The following FNDC3A variants were observed in gnomAD, a reference collection of about 807,000 sequenced individuals.
The protein encoded by FNDC3A is fibronectin type-III domain-containing protein 3A.
Under a neutral mutation model 148.9 loss-of-function variants are expected in FNDC3A, and 32 were observed. The observed-to-expected ratio is 0.21, with a 90% CI of 0.16 to 0.29. The LOEUF (loss-of-function observed/expected upper bound fraction) is 0.29, where lower values mean the gene tolerates loss of function less well. FNDC3A is among the 10% of genes least tolerant of loss of function. The pLI is 1.00. For missense variants in FNDC3A, 1,191 were observed against 1,452.8 expected (o/e 0.82, Z 2.93); for synonymous variants, 472 against 473.6 (o/e 1.00, Z 0.04).
intron 2 of FNDC3A, among the ~76,000 whole-genome samples, chr13:49,073,041 A>C (rs1402487463): frequency 3.9e-5 from 6 of 152,218 alleles, no homozygotes; most frequent in Non-Finnish European, 5.9e-5. Context: ...ATATCCATAC[A>C]AACTAGCTAC....
chr13:48,983,518 A>G (rs552494581), intron 1 of FNDC3A, among the ~76,000 whole-genome samples: 22 of 152,298 alleles, frequency 1.4e-4, no homozygotes, highest in Admixed American at 3.9e-4. Flanking sequence ...ATTATAAACA[A>G]TGGGCATGAC....
chr13:49,151,148 G>A (rs190730748), intron 8 of FNDC3A, among the ~76,000 whole-genome samples: 8 of 152,168 alleles, frequency 5.3e-5, no homozygotes, highest in Admixed American at 3.3e-4. Context: ...TTAATTTTCT[G>A]TCTAGATGAT....
At chr13:49,110,870 A>G (rs1880521070) in intron 3 of FNDC3A, among the ~76,000 whole-genome samples, 1 of 152,242 alleles carries the variant, frequency 6.6e-6, no homozygotes, top group African/African-American at 2.4e-5. Flanking sequence ...TAAGTCAGTG[A>G]TGGCACTTTT....
At chr13:49,188,879 T>C (rs1381589073) in intron 17 of FNDC3A, among the ~76,000 whole-genome samples, 1 of 152,164 alleles carries the variant, frequency 6.6e-6, no homozygotes, top group Non-Finnish European at 1.5e-5. Flanking sequence ...CATGAAAACA[T>C]TGGAGAAAAT....
intron 3 of FNDC3A, among the ~76,000 whole-genome samples, chr13:49,103,447 G>T (rs1014490391): frequency 6.6e-6 from 1 of 152,216 alleles, no homozygotes; most frequent in Non-Finnish European, 1.5e-5. Context: ...CTACAGTAAA[G>T]AATTTGGACT....
Position 49,198,420 on chromosome 13 carries a change from T to C in FNDC3A, c.2833T>C (p.Leu945=), listed in dbSNP as rs1386855423. The C allele has an allele frequency of 6.2e-7, 1 of 1,614,180 alleles. No homozygotes were observed. The highest frequency in any genetic ancestry group is 8.5e-7 in the Non-Finnish European group (1 of 1,180,028). Residue 945 remains leucine, a synonymous_variant, in exon 23 of 26, where the codon TTA becomes CTA. Transcript: ENST00000492622. Reference sequence around the variant, plus strand: ...TGGTCCTTTCAGCCATATGATAAAATTAAAAACTAAGCCTCTCCCTCCTGA... The same window carrying C: ...TGGTCCTTTCAGCCATATGATAAAACTAAAAACTAAGCCTCTCCCTCCTGA... ...GAGPFSHMIK[L]KTKPLPPDPP...
rs751722749 is a variant in FNDC3A at position 49,191,375 on chromosome 13, C to G, written c.2217C>G (p.Asn739Lys). The G allele has an allele frequency of 1.3e-6, 2 of 1,590,502 alleles. No individual in the cohort carries two copies. The highest frequency in any genetic ancestry group is 1.7e-6 in the Non-Finnish European group (2 of 1,172,390). ...KTYSFRLRAA[N>K]KMGFGPFSEK... ...ACAGCTTCAGACTACGTGCAGCTAA[C>G]AAAATGGGGGTAAGAAGACTGTGCT... Residue 739 changes from asparagine (N) to lysine (K), a missense_variant, in exon 19 of 26, where the codon AAC (asparagine) becomes AAG (lysine). This residue lies in a region of FNDC3A where 751 missense variants were observed against 944.0 expected (regional missense o/e 0.80). Transcript: ENST00000492622.
rs1886782965 is a variant in FNDC3A at position 49,209,123 on chromosome 13, G to A, written c.*1728G>A. Reference sequence around the variant, plus strand: ...GATAACCTTCCCCAGAAACAACAGTGATTGCGATTGTTTTCTAGAAACTTC... The same window carrying A: ...GATAACCTTCCCCAGAAACAACAGTAATTGCGATTGTTTTCTAGAAACTTC... On this transcript the variant is annotated 3_prime_UTR_variant, in exon 26 of 26. Coordinates refer to ENST00000492622, the MANE Select transcript of FNDC3A (RefSeq NM_001079673.2). The A allele has an allele frequency of 6.6e-6, 1 of 152,550 alleles. No individual in the cohort carries two copies. Among genetic ancestry groups the A allele is most frequent in the Non-Finnish European group, 1.5e-5 (1 of 68,028 alleles). 9.4% of individuals were successfully genotyped at this position (152,550 alleles called of 1,614,324 possible). A position where few individuals can be genotyped will look rare whatever the true frequency, so the allele number is the denominator to read the frequency against.
chr13:49,198,444 G>A lies in FNDC3A; in HGVS notation c.2857G>A (p.Asp953Asn). Residue 953 changes from aspartate to asparagine, a missense_variant, in exon 23 of 26, where the codon GAT becomes AAT. By Grantham distance (23) the Asp-to-Asn change is conservative. Transcript: ENST00000492622. ...IKLKTKPLPP[D>N]PPRLECVAFS... ...ATTAAAAACTAAGCCTCTCCCTCCT[G>A]ATCCACCTCGTCTGGAATGTGTTGC... 6.2e-7 allele frequency: 1 copy of A among 1,614,116 alleles called. No individual in the cohort carries two copies. Among genetic ancestry groups the A allele is most frequent in the Non-Finnish European group, 8.5e-7 (1 of 1,180,010 alleles).
chr13:49,109,774 T>C (rs1423039154), intron 3 of FNDC3A, among the ~76,000 whole-genome samples: 2 of 152,228 alleles, frequency 1.3e-5, no homozygotes, highest in African/African-American at 4.8e-5. Context: ...TGGTAGTCTT[T>C]ATTCTCTTAA....
chr13:49,145,831 C>A lies in FNDC3A; in HGVS notation c.873C>A (p.Ser291Arg). 1 of 1,613,568 alleles carries A rather than the reference C, an allele frequency of 6.2e-7. No homozygotes were observed. Among genetic ancestry groups the A allele is most frequent in the Non-Finnish European group, 8.5e-7 (1 of 1,179,534 alleles). Residue 291 changes from serine (S) to arginine (R), a missense_variant, in exon 8 of 26, where the codon AGC becomes AGA. Physicochemically the swap from Ser to Arg is moderately radical, Grantham distance 110. Coordinates refer to ENST00000492622, the MANE Select transcript of FNDC3A (RefSeq NM_001079673.2). ...TVVLTWSPPSSLINGETDESS... is the reference protein window; with the variant it reads ...TVVLTWSPPSRLINGETDESS... Reference sequence around the variant, plus strand: ...TACTTACCTGGTCACCACCTTCCAGCCTCATTAATGGTGAAACAGATGAAA... The same window carrying A: ...TACTTACCTGGTCACCACCTTCCAGACTCATTAATGGTGAAACAGATGAAA...
At chr13:49,137,900 A>T (rs1157723388) in intron 6 of FNDC3A, among the ~76,000 whole-genome samples, 2 of 152,248 alleles carry the variant, frequency 1.3e-5, no homozygotes, top group African/African-American at 4.8e-5. Context: ...TATGCATGGT[A>T]GACCATGTCA....
At chr13:49,094,825 A>C (rs1158002851) in intron 3 of FNDC3A, among the ~76,000 whole-genome samples, 1 of 152,100 alleles carries the variant, frequency 6.6e-6, no homozygotes, top group African/African-American at 2.4e-5. Context: ...TCTCTCAAAA[A>C]TGGAAGATTA....
At chr13:48,996,429 C>G (rs1368210709) in intron 1 of FNDC3A, among the ~76,000 whole-genome samples, 1 of 152,124 alleles carries the variant, frequency 6.6e-6, no homozygotes, top group Admixed American at 6.5e-5. Context: ...TGGATTGTTG[C>G]ATCTGTACTA....
chr13:49,042,073 T>C (rs940245078), intron 2 of FNDC3A, among the ~76,000 whole-genome samples: 4 of 152,158 alleles, frequency 2.6e-5, no homozygotes, highest in Non-Finnish European at 5.9e-5. Context: ...CCTGAGGAGA[T>C]GACATCTGAG....
At chr13:49,075,191 T>C (rs1878012669) in intron 2 of FNDC3A, 98 bp from the exon 3 acceptor site, 1 of 602,972 alleles carries the variant, frequency 1.7e-6, no homozygotes, top group Admixed American at 3.0e-5. Context: ...CTTCCCAGTT[T>C]CATAAGGTTA....
At chr13:49,069,022 T>C (rs1877464358) in intron 2 of FNDC3A, among the ~76,000 whole-genome samples, 1 of 152,012 alleles carries the variant, frequency 6.6e-6, no homozygotes, top group African/African-American at 2.4e-5. Context: ...TGTTTACTTA[T>C]ATAACAAACC....
intron 2 of FNDC3A, among the ~76,000 whole-genome samples, chr13:49,053,092 G>A (rs1302217308): frequency 6.6e-6 from 1 of 152,144 alleles, no homozygotes; most frequent in Admixed American, 6.5e-5. Context: ...CAACAGCACC[G>A]AGTCTATTTC....
chr13:49,055,496 A>G (rs955737508), intron 2 of FNDC3A, among the ~76,000 whole-genome samples: 4 of 152,078 alleles, frequency 2.6e-5, no homozygotes, highest in African/African-American at 9.7e-5. Flanking sequence ...ATTTAACATC[A>G]ACACAGACCT....
Sources: allele counts gnomAD v4.1 joint callset (sites outside exome capture counted in the v4.1 genomes callset), GRCh38; gene constraint gnomAD v4.1.1; regional missense constraint gnomAD v4.1.1; transcripts MANE v1.5; gene names NCBI Gene and HGNC (gene_info 2026-07-23, HGNC 2026-07-21).